Variants in PRKACA observed in about 807,000 individuals in gnomAD.
PRKACA encodes the protein cAMP-dependent protein kinase catalytic subunit alpha.
Under a neutral mutation model 45.8 loss-of-function variants are expected in PRKACA, and 9 were observed. That is an observed-to-expected ratio of 0.20 (90% CI 0.12 to 0.34). The LOEUF is 0.34. Among genes scored for constraint, PRKACA ranks in the 10% least tolerant of loss-of-function variants. The pLI, the probability that PRKACA is intolerant of heterozygous loss-of-function variation, is 1.00. For missense variants in PRKACA, 238 were observed against 458.6 expected, an observed-to-expected ratio of 0.52 and a Z score of 4.39; for synonymous variants, 160 against 178.6, an observed-to-expected ratio of 0.90 and a Z score of 0.83.
rs776865039 is a variant in PRKACA, at chr19:14,097,786, A to G, written c.524T>C (p.Ile175Thr). Residue 175 changes from isoleucine to threonine, a missense_variant, in exon 6 of 10, where the codon ATT becomes ACT. By Grantham distance (89) the Ile-to-Thr change is moderately conservative. Coordinates refer to ENST00000308677, the MANE Select transcript of PRKACA (RefSeq NM_002730.4). The surrounding 1 kb of genome is among the most constrained non-coding windows in gnomAD (Gnocchi z 5.4). ...YRDLKPENLL[I>T]DQQGYIQVTD... ...CACCTGAATGTAGCCCTGCTGGTCA[A>G]TGAGCAGATTCTCCGGCTTCAGGTC... 2.5e-6 allele frequency: 4 copies of G among 1,614,062 alleles called. No homozygotes were observed. The highest frequency in any genetic ancestry group is 3.4e-6 in the Non-Finnish European group (4 of 1,180,018).
chr19:14,094,076 C>G (rs1648322690), intron 8 of PRKACA, among the ~76,000 whole-genome samples: 1 of 150,792 alleles, frequency 6.6e-6, no homozygotes, highest in Non-Finnish European at 1.5e-5. Flanking sequence ...GTTGCCCAGG[C>G]TGGTCTTGAA....
chr19:14,110,565 C>G (rs1299142877), intron 1 of PRKACA, among the ~76,000 whole-genome samples: 1 of 151,370 alleles, frequency 6.6e-6, no homozygotes. Context: ...GAGTGAGGCC[C>G]TGTCTCAAAA....
At chr19:14,103,372 C>A (rs141061209) in intron 3 of PRKACA, among the ~76,000 whole-genome samples, 1 of 152,310 alleles carries the variant, frequency 6.6e-6, no homozygotes, top group Non-Finnish European at 1.5e-5. Context: ...CTCCACACAG[C>A]AACCTGAACC....
At chr19:14,100,947 G>C (rs1165462362) in intron 4 of PRKACA, 39 bp from the exon 5 acceptor site, 2 of 1,586,064 alleles carry the variant, frequency 1.3e-6, no homozygotes, top group Non-Finnish European at 8.7e-7. Context: ...CCACCCCTGA[G>C]ACTTGGACCC....
At chr19:14,100,972 G>A in intron 4 of PRKACA, 64 bp from the exon 5 acceptor site, 4 of 1,420,620 alleles carry the variant, frequency 2.8e-6, no homozygotes, top group Non-Finnish European at 4.0e-6. Flanking sequence ...TGAAGGCCTT[G>A]GGGGCCTCCC....
chr19:14,093,041 A>ATCCCCC lies in PRKACA; in HGVS notation c.*70_*71insGGGGGA. ...CTGGGGCCCTCTGGCTGTTCAATCC[A>ATCCCCC]ACCCTCCCACCCCCCCGACCAAAAA... On this transcript the variant is annotated 3_prime_UTR_variant, in exon 10 of 10. Coordinates refer to ENST00000308677, the MANE Select transcript of PRKACA (RefSeq NM_002730.4). The ATCCCCC allele has an allele frequency of 2.0e-6, 1 of 500,030 alleles. No individual in the cohort carries two copies. The highest frequency in any genetic ancestry group is 3.6e-6 in the Non-Finnish European group (1 of 278,314). The allele number at this position is 500,030 out of a possible 1,614,324, so 31.0% of individuals were successfully genotyped here. A position where few individuals can be genotyped will look rare whatever the true frequency, so the allele number is the denominator to read the frequency against.
At chr19:14,101,088 G>A in intron 4 of PRKACA, 180 bp from the exon 5 acceptor site, 2 of 602,638 alleles carry the variant, frequency 3.3e-6, no homozygotes, top group Non-Finnish European at 6.0e-6. Flanking sequence ...GAAAGTGAGG[G>A]CTGGCTCAGA....
At position 14,112,920 on chromosome 19, in the gene PRKACA, G is replaced by A. The variant is rs375652925; in HGVS notation, c.46+4582C>T. On this transcript the variant is annotated intron_variant, in intron 1 of 9. Transcript: ENST00000308677. ...CTCCTTAGGGGCTAAAGAGGCCCCAGAGCTCCCTTAATTCGCTGAAAGAAC... is the reference window on the plus strand; with the variant it reads ...CTCCTTAGGGGCTAAAGAGGCCCCAAAGCTCCCTTAATTCGCTGAAAGAAC... Among the ~76,000 whole-genome samples, 177 of 152,284 alleles carry A rather than the reference G, an allele frequency of 1.2e-3. 1 individual carries two copies. The highest frequency in any genetic ancestry group is 3.9e-3 in the African/African-American group (161 of 41,546).
At chr19:14,116,793 C>T (rs1208398815) in intron 1 of PRKACA, among the ~76,000 whole-genome samples, 2 of 152,054 alleles carry the variant, frequency 1.3e-5, no homozygotes, top group Admixed American at 1.3e-4. Context: ...CAGGGACAGA[C>T]GCTTGCTTGG....
intron 9 of PRKACA, 46 bp from the exon 10 acceptor site, chr19:14,093,283 T>A (rs1456020568): frequency 6.3e-7 from 1 of 1,592,364 alleles, no homozygotes; most frequent in Non-Finnish European, 8.5e-7. Flanking sequence ...TTCAACATAA[T>A]CATTATTACA....
chr19:14,099,283 ACT>A (rs981116073), intron 5 of PRKACA, among the ~76,000 whole-genome samples: 1 of 152,174 alleles, frequency 6.6e-6, no homozygotes, highest in African/African-American at 2.4e-5. Context: ...CAAGAGTGAA[ACT>A]CTGTCTCAAA....
At chr19:14,107,009 G>C in intron 2 of PRKACA, 121 bp from the exon 3 acceptor site, 2 of 1,317,794 alleles carry the variant, frequency 1.5e-6, no homozygotes, top group Non-Finnish European at 2.1e-6. Flanking sequence ...GGGGTCAGCG[G>C]GGTGAGGACA....
chr19:14,101,287 T>A, intron 4 of PRKACA: 1 of 233,328 alleles, frequency 4.3e-6, no homozygotes, highest in Non-Finnish European at 8.7e-6. Context: ...TTACAGAGGG[T>A]CGGGTGTGGT....
chr19:14,111,404 A>G (rs1356867642), intron 1 of PRKACA, among the ~76,000 whole-genome samples: 1 of 152,118 alleles, frequency 6.6e-6, no homozygotes, highest in Non-Finnish European at 1.5e-5. Flanking sequence ...TCTCAAAAAA[A>G]AAAAAAAGAA....
chr19:14,099,442 C>CT (rs879512820), intron 5 of PRKACA, among the ~76,000 whole-genome samples: 238 of 142,966 alleles, frequency 1.7e-3, no homozygotes, highest in African/African-American at 2.3e-3. Context: ...CTTATGCAGT[C>CT]TTTTTTTTTT....
intron 1 of PRKACA, among the ~76,000 whole-genome samples, chr19:14,115,531 T>C (rs951493330): frequency 6.6e-6 from 1 of 152,168 alleles, no homozygotes; most frequent in Non-Finnish European, 1.5e-5. Context: ...CAGCCCGTTA[T>C]GAAAGTCACC....
At chr19:14,095,756 T>G (rs1017393889) in intron 8 of PRKACA, among the ~76,000 whole-genome samples, 9 of 152,120 alleles carry the variant, frequency 5.9e-5, no homozygotes, top group African/African-American at 2.2e-4. Flanking sequence ...GACCTCGTGA[T>G]CCACCTGCCT....
chr19:14,115,813 A>T (rs1268392862), intron 1 of PRKACA, among the ~76,000 whole-genome samples: 2 of 151,996 alleles, frequency 1.3e-5, no homozygotes, highest in African/African-American at 4.8e-5. Flanking sequence ...CGCAATATAT[A>T]GCTGCCTGCC....
Position 14,092,659 on chromosome 19 carries a change from T to C in PRKACA, c.*453A>G, listed in dbSNP as rs2145739928. On this transcript the variant is annotated 3_prime_UTR_variant, in exon 10 of 10. Coordinates refer to ENST00000308677, the MANE Select transcript of PRKACA (RefSeq NM_002730.4). ...AGGCAGGATTACTCCGAAAGGAAGG[T>C]TGGCGCTTCGTTCATTTGCCCTTAG... 2.5e-6 allele frequency: 1 copy of C among 398,734 alleles called. No individual in the cohort carries two copies. The highest frequency in any genetic ancestry group is 4.4e-6 in the Non-Finnish European group (1 of 226,278). The allele number at this position is 398,734 out of a possible 1,614,324, so 24.7% of individuals were successfully genotyped here. A position where few individuals can be genotyped will look rare whatever the true frequency, so the allele number is the denominator to read the frequency against.
Sources: gnomAD v4.1 joint callset for allele counts (sites outside exome capture counted in the v4.1 genomes callset) on GRCh38, gnomAD v4.1.1 for gene constraint, Gnocchi (gnomAD v3.1) non-coding constraint, MANE v1.5 for transcripts, NCBI Gene and HGNC (gene_info 2026-07-23, HGNC 2026-07-21) for gene names.